Variants in ABL2 observed in about 807,000 individuals in gnomAD.
ABL2 encodes ABL proto-oncogene 2, non-receptor tyrosine kinase.
In ABL2, 49 loss-of-function variants were observed where a neutral mutation model predicts 107.7. That is an observed-to-expected ratio of 0.45 (90% CI 0.36 to 0.58). The LOEUF (loss-of-function observed/expected upper bound fraction) is 0.58. Among genes scored for constraint, ABL2 ranks in the 20% least tolerant of loss-of-function variants. ABL2 has a pLI of 0.00. For missense variants in ABL2, 1,245 were observed against 1,457.0 expected, an observed-to-expected ratio of 0.85 and a Z score of 2.37; for synonymous variants, 549 against 548.6, an observed-to-expected ratio of 1.00 and a Z score of -0.01.
chr1:179,224,370 G>C (rs1171645298), intron 1 of ABL2, among the ~76,000 whole-genome samples: 1 of 151,690 alleles, frequency 6.6e-6, no homozygotes, highest in Non-Finnish European at 1.5e-5. Context: ...GGGTTCAGGG[G>C]ATTCTCCTGT....
chr1:179,190,120 G>T (rs1230745164), intron 1 of ABL2, among the ~76,000 whole-genome samples: 1 of 152,100 alleles, frequency 6.6e-6, no homozygotes, highest in Non-Finnish European at 1.5e-5. Flanking sequence ...CCCAGCCTGG[G>T]TGTCTTACAA....
At chr1:179,131,611 T>C (rs1444442860) in intron 2 of ABL2, 130 bp from the exon 3 acceptor site, 2 of 834,284 alleles carry the variant, frequency 2.4e-6, no homozygotes, top group Non-Finnish European at 3.6e-6. Flanking sequence ...TATAAAGTGT[T>C]ATGAAGAATT....
chr1:179,136,032 T>C (rs1189410614), intron 1 of ABL2, among the ~76,000 whole-genome samples: 4 of 145,318 alleles, frequency 2.8e-5, no homozygotes, highest in Non-Finnish European at 6.0e-5. Context: ...CCGCCCCTAC[T>C]GGGAAGTGAG....
rs762240305 is a variant in ABL2 at position 179,121,761 on chromosome 1, T to C, written c.794A>G (p.Lys265Arg). Residue 265 changes from lysine to arginine, a missense_variant, in exon 5 of 12, where the codon AAG (lysine) becomes AGG (arginine). Around this residue, in one of 3 missense-constraint regions of ABL2, gnomAD observed 320 missense variants for 547.0 expected, o/e 0.59. Coordinates refer to ENST00000502732, the MANE Select transcript of ABL2 (RefSeq NM_007314.4). ...ACCATAGACTGTAGGCTTATTACAC[T>C]TGGGTGCTGGGTAGTGTAATGTTGT... ...LVTTLHYPAP[K>R]CNKPTVYGVS... 5 of 1,614,006 alleles carry C rather than the reference T, an allele frequency of 3.1e-6. No homozygotes were observed. Among genetic ancestry groups the C allele is most frequent in the Admixed American group, 1.7e-5 (1 of 59,982 alleles).
At chr1:179,149,702 C>T (rs1267983831) in intron 1 of ABL2, among the ~76,000 whole-genome samples, 1 of 152,190 alleles carries the variant, frequency 6.6e-6, no homozygotes, top group Non-Finnish European at 1.5e-5. Flanking sequence ...ATAAATGGAA[C>T]AACAAAGCCT....
chr1:179,185,044 A>C (rs1246473264), intron 1 of ABL2, among the ~76,000 whole-genome samples: 2 of 152,186 alleles, frequency 1.3e-5, no homozygotes, highest in Non-Finnish European at 2.9e-5. Context: ...AGTACACAGA[A>C]TTCTAGCTTC....
At chr1:179,122,299 A>G (rs1316939776) in intron 4 of ABL2, among the ~76,000 whole-genome samples, 1 of 138,652 alleles carries the variant, frequency 7.2e-6, no homozygotes, top group African/African-American at 2.8e-5. Flanking sequence ...AAAAAAAAAA[A>G]TATTCTGCAG....
chr1:179,213,861 T>C (rs1662418765), intron 1 of ABL2, among the ~76,000 whole-genome samples: 1 of 152,120 alleles, frequency 6.6e-6, no homozygotes, highest in Non-Finnish European at 1.5e-5. Context: ...AGGAGGATTG[T>C]TTGAGCCCAG....
At chr1:179,110,791 CTG>C in intron 10 of ABL2, 2 of 1,613,944 alleles carry the variant, frequency 1.2e-6, no homozygotes, top group Non-Finnish European at 8.5e-7. Flanking sequence ...TCATCCTGCT[CTG>C]TGTCTTTTGG....
In ABL2 at chr1:179,105,842, A is replaced by T. The variant is rs1261506571; in HGVS notation, c.*1876T>A. 3.6e-5 allele frequency: 8 copies of T among 224,926 alleles called. No individual in the cohort carries two copies. The highest frequency in any genetic ancestry group is 1.8e-4 in the African/African-American group (8 of 44,852). 13.9% of individuals were successfully genotyped at this position (224,926 alleles called of 1,614,324 possible). ...ATTCATATAATCTCAACAATTCTTA[A>T]TTTCATTAATATTTTCTACTCAGCA... On this transcript the variant is annotated 3_prime_UTR_variant, in exon 12 of 12. Transcript: ENST00000502732.
At chr1:179,113,303 T>C (rs1316771662) in intron 9 of ABL2, among the ~76,000 whole-genome samples, 1 of 152,228 alleles carries the variant, frequency 6.6e-6, no homozygotes, top group Non-Finnish European at 1.5e-5. Context: ...GGAGATGTTT[T>C]AGAAAATGGC....
chr1:179,145,631 A>AG (rs1284044419), intron 1 of ABL2, among the ~76,000 whole-genome samples: 1 of 152,196 alleles, frequency 6.6e-6, no homozygotes, highest in Non-Finnish European at 1.5e-5. Context: ...GAAGAATCTA[A>AG]GCAAAGATGA....
At chr1:179,210,723 G>A (rs908795908) in intron 1 of ABL2, among the ~76,000 whole-genome samples, 45 of 151,262 alleles carry the variant, frequency 3.0e-4, no homozygotes, top group Admixed American at 3.0e-3. Flanking sequence ...GCTTAGTGGC[G>A]GGCGCCTGTA....
chr1:179,130,746 G>C (rs1354890602), intron 3 of ABL2, among the ~76,000 whole-genome samples: 2 of 151,034 alleles, frequency 1.3e-5, no homozygotes, highest in African/African-American at 4.9e-5. Context: ...GTGTGTGTGT[G>C]TGTGTGTGTG....
At chr1:179,137,612 T>C (rs12081759) in intron 1 of ABL2, among the ~76,000 whole-genome samples, 5,559 of 152,146 alleles carry the variant, frequency 0.037, 177 homozygotes, top group African/African-American at 0.083. Context: ...AAGTTAGAAA[T>C]AGTAATAAGC....
intron 1 of ABL2, among the ~76,000 whole-genome samples, chr1:179,214,440 AAGCTTAC>A (rs1165637739): frequency 6.6e-6 from 1 of 150,620 alleles, no homozygotes; most frequent in Non-Finnish European, 1.5e-5. Context: ...CACACTATAT[AAGCTTAC>A]AATAATTAAA....
In ABL2 at chr1:179,114,463, G is replaced by A. The variant is rs530780687; in HGVS notation, c.1561+415C>T. Among the ~76,000 whole-genome samples the A allele has an allele frequency of 1.5e-4, 23 of 152,192 alleles. No individual in the cohort carries two copies. In the South Asian group the frequency reaches 3.7e-3, roughly 25 times the overall value. On this transcript the variant is annotated intron_variant, in intron 9 of 11. Transcript: ENST00000502732. Reference sequence around the variant, plus strand: ...CAAATAAACAAACAAACAAAACCCTGCAATTTAATCCACTATTCACTTTCC... The same window carrying A: ...CAAATAAACAAACAAACAAAACCCTACAATTTAATCCACTATTCACTTTCC...
chr1:179,144,184 G>A (rs1444997968), intron 1 of ABL2, among the ~76,000 whole-genome samples: 1 of 152,082 alleles, frequency 6.6e-6, no homozygotes, highest in African/African-American at 2.4e-5. Context: ...TAGGCCAGGG[G>A]CGGTGGCTCA....
intron 1 of ABL2, among the ~76,000 whole-genome samples, chr1:179,139,434 G>A (rs943088862): frequency 6.6e-5 from 10 of 152,150 alleles, no homozygotes; most frequent in Admixed American, 1.3e-4. Flanking sequence ...CTCCAGACAC[G>A]CCACCTTAAG....
Sources: allele counts gnomAD v4.1 joint callset (sites outside exome capture counted in the v4.1 genomes callset), GRCh38; gene constraint gnomAD v4.1.1; regional missense constraint gnomAD v4.1.1; transcripts MANE v1.5; gene names NCBI Gene and HGNC (gene_info 2026-07-23, HGNC 2026-07-21).